PLAGL1: variants seen among roughly 807,000 people sequenced by gnomAD.
The protein encoded by PLAGL1 is zinc finger protein PLAGL1.
PLAGL1 carries 1 observed loss-of-function variant against 4.6 expected under a neutral mutation model. That is an observed-to-expected ratio of 0.22 (90% confidence interval 0.08 to 1.03). The LOEUF is 1.03. Ranked by LOEUF, PLAGL1 falls within the 50% of genes least tolerant of loss-of-function variation. The pLI is 0.58. For synonymous variants in PLAGL1, 240 were observed against 237.8 expected (o/e 1.01, Z -0.08); for missense variants, 464 against 570.4 (o/e 0.81, Z 1.90).
At position 143,955,374 on chromosome 6, in the gene PLAGL1, A is replaced by G. The variant is rs1781906099; in HGVS notation, c.-325+5095T>C. Among the ~76,000 whole-genome samples, 2 of 152,216 alleles carry G rather than the reference A, an allele frequency of 1.3e-5. No individual in the cohort carries two copies. Among genetic ancestry groups the G allele is most frequent in the Non-Finnish European group, 2.9e-5 (2 of 68,036 alleles). ...AGGCTAGAGAGATGGAGAATCGTGA[A>G]GGGTCCACTCTACAAGGGGAAGGTG... is the stretch of plus-strand genomic sequence containing the variant. On this transcript the variant is annotated intron_variant, in intron 6 of 7. Coordinates refer to ENST00000674357, the MANE Select transcript of PLAGL1 (RefSeq NM_001317162.2). This position sits in a 1 kb window ranked among gnomAD's most constrained non-coding sequence, Gnocchi z 4.9.
intron 1 of PLAGL1, chr6:144,007,115 ATGT>A (rs1323547734): frequency 6.6e-6 from 1 of 152,238 alleles, no homozygotes; most frequent in Non-Finnish European, 1.5e-5. Flanking sequence ...TAACTGTTAA[ATGT>A]TCTTATCTAA....
intron 1 of PLAGL1, among the ~76,000 whole-genome samples, chr6:143,986,645 C>G (rs544562499): frequency 6.6e-6 from 1 of 152,248 alleles, no homozygotes; most frequent in South Asian, 2.1e-4. Flanking sequence ...TGACAGACAC[C>G]TATTGTGACA....
rs1370691305 is a variant in PLAGL1, at chr6:144,042,244, C to T, written c.-151+22224G>A. On this transcript the variant is annotated intron_variant, in intron 1 of 3. Transcript: ENST00000437412. Reference sequence around the variant, plus strand: ...CTTTTGGTGTTTTAGTCATGAAGTCCTTGCCCATCCTATGTCCTGAATGTA... The same window carrying T: ...CTTTTGGTGTTTTAGTCATGAAGTCTTTGCCCATCCTATGTCCTGAATGTA... Among the ~76,000 whole-genome samples, 6 of 152,132 alleles carry T rather than the reference C, an allele frequency of 3.9e-5. No homozygotes were observed. In the East Asian group the frequency reaches 1.2e-3, roughly 29 times the overall value.
At chr6:144,026,489 T>G (rs1796351930) in intron 1 of PLAGL1, among the ~76,000 whole-genome samples, 1 of 152,198 alleles carries the variant, frequency 6.6e-6, no homozygotes, top group Admixed American at 6.5e-5. Flanking sequence ...CAGAAAGAAT[T>G]TATAGCAGCT....
rs1384601141 is a variant in PLAGL1, at chr6:143,960,243, G to GCAT, written c.-325+223_-325+225dup. 1.4e-4 allele frequency among the ~76,000 whole-genome samples: 21 copies of GCAT among 152,316 alleles called. No homozygotes were observed. Among genetic ancestry groups the GCAT allele is most frequent in the African/African-American group, 5.1e-4 (21 of 41,554 alleles). On this transcript the variant is annotated intron_variant, in intron 6 of 7. Coordinates refer to ENST00000674357, the MANE Select transcript of PLAGL1 (RefSeq NM_001317162.2). The surrounding 1 kb of genome is among the most constrained non-coding windows in gnomAD (Gnocchi z 5.7). ...CAGAGGTCATGAAAAGTTGCTAACT[G>GCAT]CATCATCCAATTCCCTGAAACACAT...
intron 1 of PLAGL1, among the ~76,000 whole-genome samples, chr6:143,987,437 CTTTT>C (rs71024883): frequency 1.4e-4 from 10 of 73,938 alleles, no homozygotes; most frequent in Admixed American, 7.2e-4. Flanking sequence ...ACCACACTGG[CTTTT>C]TTTTTTTTTT....
In PLAGL1 at chr6:143,955,133, C is replaced by G. The variant is rs1038209748; in HGVS notation, c.-325+5336G>C. Among the ~76,000 whole-genome samples, 4 of 152,136 alleles carry G rather than the reference C, an allele frequency of 2.6e-5. No homozygotes were observed. Among genetic ancestry groups the G allele is most frequent in the Admixed American group, 6.5e-5 (1 of 15,272 alleles). On this transcript the variant is annotated intron_variant, in intron 6 of 7. Coordinates refer to ENST00000674357, the MANE Select transcript of PLAGL1 (RefSeq NM_001317162.2). This position sits in a 1 kb window ranked among gnomAD's most constrained non-coding sequence, Gnocchi z 4.9. ...ATAGAAGTGAAAATCATTACTAAAA[C>G]TTGAGGTGGTGGTTGTCTAGGCAGT...
At position 144,005,680 on chromosome 6, in the gene PLAGL1, G is replaced by A. The variant is rs1390843072; in HGVS notation, c.-584+2410C>T. ...GATTAATGTCTACAGTTTAATATCT[G>A]CAAGTATATAACAAATATTTGTATC... On this transcript the variant is annotated intron_variant, in intron 1 of 7. Transcript: ENST00000674357. The surrounding 1 kb of genome is among the most constrained non-coding windows in gnomAD (Gnocchi z 4.6). 1 of 151,950 alleles carries A rather than the reference G, an allele frequency of 6.6e-6. No individual in the cohort carries two copies. Among genetic ancestry groups the A allele is most frequent in the Admixed American group, 6.5e-5 (1 of 15,270 alleles). The allele number at this position is 151,950 out of a possible 1,614,324, so 9.4% of individuals were successfully genotyped here. A position where few individuals can be genotyped will look rare whatever the true frequency, so the allele number is the denominator to read the frequency against.
At chr6:143,969,678 A>T (rs529142935) in intron 2 of PLAGL1, among the ~76,000 whole-genome samples, 3 of 152,132 alleles carry the variant, frequency 2.0e-5, no homozygotes, top group African/African-American at 4.8e-5. Flanking sequence ...GTCAACTAAG[A>T]AGAACACTAT....
At chr6:144,046,489 C>G (rs1381528155) in intron 1 of PLAGL1, among the ~76,000 whole-genome samples, 2 of 152,110 alleles carry the variant, frequency 1.3e-5, no homozygotes, top group Non-Finnish European at 2.9e-5. Flanking sequence ...TACTCCAGAC[C>G]CTGTTTGCCT....
chr6:143,944,939 A>G (rs186592441), intron 7 of PLAGL1, among the ~76,000 whole-genome samples: 5 of 152,002 alleles, frequency 3.3e-5, no homozygotes, highest in Admixed American at 6.5e-5. Flanking sequence ...TAACGACTGC[A>G]CCTGGTTATT....
Position 143,971,275 on chromosome 6 carries a change from C to A in PLAGL1, c.-543-2297G>T, listed in dbSNP as rs545035439. On this transcript the variant is annotated intron_variant, in intron 2 of 7. Coordinates refer to ENST00000674357, the MANE Select transcript of PLAGL1 (RefSeq NM_001317162.2). The surrounding 1 kb of genome is among the most constrained non-coding windows in gnomAD (Gnocchi z 4.7). ...CCTCTACGAGATTCCTCCCGCAATT[C>A]ACAAATGTGTAAACCTCTATTTTAA... Among the ~76,000 whole-genome samples, 1 of 152,282 alleles carries A rather than the reference C, an allele frequency of 6.6e-6. No individual in the cohort carries two copies. The highest frequency in any genetic ancestry group is 2.1e-4 in the South Asian group (1 of 4,830).
intron 1 of PLAGL1, among the ~76,000 whole-genome samples, chr6:144,020,962 T>A (rs528938372): frequency 6.7e-6 from 1 of 149,778 alleles, no homozygotes; most frequent in East Asian, 1.9e-4. Flanking sequence ...TATATGTATA[T>A]ATGAGCTGGT....
chr6:144,053,608 C>CT lies in PLAGL1; in HGVS notation c.-151+10859_-151+10860insA, dbSNP rs1443110017. ...TGATGGACAGTACAGACAATAAGTC[C>CT]CTACAGGACTTATTTGGATAAAAAG... On this transcript the variant is annotated intron_variant, in intron 1 of 3. Coordinates refer to the PLAGL1 transcript ENST00000437412. The surrounding 1 kb of genome is among the most constrained non-coding windows in gnomAD (Gnocchi z 4.0). Among the ~76,000 whole-genome samples, 4 of 152,150 alleles carry CT rather than the reference C, an allele frequency of 2.6e-5. No individual in the cohort carries two copies. The East Asian group carries it at 7.7e-4, about 29-fold the overall frequency.
In PLAGL1 at chr6:144,022,631, A is replaced by G. The variant is rs1796050664; in HGVS notation, c.-151+41837T>C. 6.6e-6 allele frequency among the ~76,000 whole-genome samples: 1 copy of G among 152,194 alleles called. No individual in the cohort carries two copies. Among genetic ancestry groups the G allele is most frequent in the Admixed American group, 6.5e-5 (1 of 15,284 alleles). ...CAGGTCTTTCCCATGCTGTTCTCAC[A>G]ATAGTGAATAAGTTTCACCAGATCT... On this transcript the variant is annotated intron_variant, in intron 1 of 3. Coordinates refer to the PLAGL1 transcript ENST00000437412. The surrounding 1 kb of genome is among the most constrained non-coding windows in gnomAD (Gnocchi z 4.2).
intron 1 of PLAGL1, chr6:144,007,273 G>A (rs1020137549): frequency 6.6e-6 from 1 of 152,146 alleles, no homozygotes; most frequent in African/African-American, 2.4e-5. Flanking sequence ...CGAGACCGGT[G>A]GGTTAATACG....
At position 144,027,234 on chromosome 6, in the gene PLAGL1, C is replaced by CGAAAGAAAGAACGAACGAAA. The variant is rs1554277683; in HGVS notation, c.-151+37233_-151+37234insTTTCGTTCGTTCTTTCTTTC. On this transcript the variant is annotated intron_variant, in intron 1 of 3. Transcript: ENST00000437412. The surrounding 1 kb of genome is among the most constrained non-coding windows in gnomAD (Gnocchi z 5.8). ...GAAAGACCCCAACTCAAAGAACGAACGAAAGAAAGAAAGAAAGAAAGAAAG... is the reference window on the plus strand; with the variant it reads ...GAAAGACCCCAACTCAAAGAACGAACGAAAGAAAGAACGAACGAAAGAAAGAAAGAAAGAAAGAAAGAAAG... Among the ~76,000 whole-genome samples the CGAAAGAAAGAACGAACGAAA allele has an allele frequency of 3.3e-4, 37 of 111,630 alleles. No homozygotes were observed. Among genetic ancestry groups the CGAAAGAAAGAACGAACGAAA allele is most frequent in the South Asian group, 6.1e-4 (2 of 3,284 alleles). 73.2% of individuals were successfully genotyped at this position (111,630 alleles called of 152,430 possible).
intron 1 of PLAGL1, among the ~76,000 whole-genome samples, chr6:144,043,172 C>T (rs555411799): frequency 6.6e-6 from 1 of 152,182 alleles, no homozygotes. Flanking sequence ...TTATTTCTTT[C>T]TTTTGCCTGA....
chr6:144,008,317 A>C (rs1439896493), upstream of PLAGL1: 1 of 151,872 alleles, frequency 6.6e-6, no homozygotes, highest in East Asian at 1.9e-4. This position sits in a 1 kb window ranked among gnomAD's most constrained non-coding sequence, Gnocchi z 6.9. Context: ...CGACGGGCTG[A>C]ATGACAAATG....
Sources: allele counts gnomAD v4.1 joint callset (sites outside exome capture counted in the v4.1 genomes callset), GRCh38; gene constraint gnomAD v4.1.1; non-coding constraint Gnocchi (gnomAD v3.1); transcripts MANE v1.5; gene names NCBI Gene and HGNC (gene_info 2026-07-23, HGNC 2026-07-21).